KIAA0825: variants seen among roughly 807,000 people sequenced by gnomAD.
KIAA0825 encodes KIAA0825.
In KIAA0825, 119 loss-of-function variants were observed where a neutral mutation model predicts 147.6. The ratio of observed to expected loss-of-function variants is 0.81; its 90% CI spans 0.69 to 0.94. The LOEUF (loss-of-function observed/expected upper bound fraction) is 0.94. KIAA0825 is among the 40% of genes least tolerant of loss of function. The probability of loss-of-function intolerance (pLI) is 0.00; values close to 1 mark genes in which losing one functional copy is unlikely to be tolerated. For missense variants in KIAA0825, 1,381 were observed against 1,472.7 expected, an observed-to-expected ratio of 0.94 and a Z score of 1.02; for synonymous variants, 470 against 518.1, an observed-to-expected ratio of 0.91 and a Z score of 1.26.
intron 20 of KIAA0825, among the ~76,000 whole-genome samples, chr5:94,301,831 T>A (rs184495564): frequency 9.9e-5 from 15 of 152,168 alleles, no homozygotes; most frequent in Non-Finnish European, 4.4e-5. Flanking sequence ...TAATAGGTTT[T>A]CACAAAGAAA....
intron 8 of KIAA0825, 111 bp downstream of exon 8, chr5:94,473,178 AAGT>A (rs1442265965): frequency 3.9e-6 from 3 of 770,558 alleles, no homozygotes; most frequent in Non-Finnish European, 6.4e-6. Flanking sequence ...GTCAAGTACC[AAGT>A]ACTTGCCAAG....
chr5:94,208,363 G>T (rs1213585172), intron 20 of KIAA0825, among the ~76,000 whole-genome samples: 1 of 152,140 alleles, frequency 6.6e-6, no homozygotes, highest in Non-Finnish European at 1.5e-5. Context: ...TAAAGCTTAG[G>T]TTTGAATTAA....
chr5:94,276,918 T>C (rs1777249175), intron 20 of KIAA0825, among the ~76,000 whole-genome samples: 1 of 152,096 alleles, frequency 6.6e-6, no homozygotes, highest in African/African-American at 2.4e-5. Context: ...TTTTGGCCTC[T>C]CTCCGCCTCT....
intron 20 of KIAA0825, among the ~76,000 whole-genome samples, chr5:94,334,775 C>G (rs1781637732): frequency 6.6e-6 from 1 of 152,190 alleles, no homozygotes. Flanking sequence ...TGAGTCACCA[C>G]ACCCGGCCAC....
chr5:94,553,265 C>G (rs1775877812), intron 2 of KIAA0825, among the ~76,000 whole-genome samples: 1 of 151,568 alleles, frequency 6.6e-6, no homozygotes, highest in African/African-American at 2.4e-5. Flanking sequence ...ATGGTGAAAC[C>G]CTGTCTCTAC....
chr5:94,181,326 A>G (rs1769593319), intron 20 of KIAA0825, among the ~76,000 whole-genome samples: 1 of 152,198 alleles, frequency 6.6e-6, no homozygotes. Flanking sequence ...CCTCTACAAC[A>G]AGAATTACAA....
At chr5:94,607,934 A>T (rs185121847) in intron 1 of KIAA0825, among the ~76,000 whole-genome samples, 1 of 152,056 alleles carries the variant, frequency 6.6e-6, no homozygotes, top group Non-Finnish European at 1.5e-5. Flanking sequence ...CCACTGCATT[A>T]TTCAGATTTC....
At chr5:94,356,146 C>A (rs1784222848) in intron 20 of KIAA0825, among the ~76,000 whole-genome samples, 1 of 152,066 alleles carries the variant, frequency 6.6e-6, no homozygotes, top group Admixed American at 6.6e-5. Flanking sequence ...TTGATGAGCA[C>A]CAATGTACTT....
At position 94,395,039 on chromosome 5, in the gene KIAA0825, T is replaced by G. The variant is rs141955114; in HGVS notation, c.3296+1062A>C. ...TGAATGCAATATATTTTAATAGAGT[T>G]TATACATAATAATGCCTATCAGTTC... On this transcript the variant is annotated intron_variant, in intron 17 of 20. Coordinates refer to ENST00000682413, the MANE Select transcript of KIAA0825 (RefSeq NM_001145678.3). Among the ~76,000 whole-genome samples the G allele has an allele frequency of 1.4e-3, 208 of 152,340 alleles. 1 individual carries two copies. The highest frequency in any genetic ancestry group is 4.5e-3 in the African/African-American group (186 of 41,582).
chr5:94,461,861 T>C (rs1360556461), intron 12 of KIAA0825, among the ~76,000 whole-genome samples: 2 of 151,970 alleles, frequency 1.3e-5, no homozygotes, highest in African/African-American at 4.8e-5. Context: ...CTCTATAGCA[T>C]TACAGATTTG....
chr5:94,238,358 A>C (rs1775170887), intron 20 of KIAA0825, among the ~76,000 whole-genome samples: 1 of 152,196 alleles, frequency 6.6e-6, no homozygotes, highest in Non-Finnish European at 1.5e-5. Context: ...AAAATGATTC[A>C]GTTTATAGCC....
At chr5:94,376,318 G>A (rs1215661610) in intron 20 of KIAA0825, among the ~76,000 whole-genome samples, 2 of 152,106 alleles carry the variant, frequency 1.3e-5, no homozygotes, top group Non-Finnish European at 2.9e-5. Context: ...TCATCTTGGG[G>A]CTCTTTTGAG....
intron 1 of KIAA0825, among the ~76,000 whole-genome samples, chr5:94,586,145 C>T (rs898798191): frequency 6.6e-6 from 1 of 152,026 alleles, no homozygotes; most frequent in Admixed American, 6.6e-5. Flanking sequence ...GAAGCAAGAG[C>T]AAATAAATTC....
chr5:94,279,005 T>C (rs761092342), intron 20 of KIAA0825, among the ~76,000 whole-genome samples: 1 of 152,068 alleles, frequency 6.6e-6, no homozygotes, highest in Non-Finnish European at 1.5e-5. Flanking sequence ...CAAAATACAA[T>C]ATGAAATTCT....
At chr5:94,578,957 T>C (rs1781561158) in intron 2 of KIAA0825, among the ~76,000 whole-genome samples, 1 of 152,170 alleles carries the variant, frequency 6.6e-6, no homozygotes, top group Non-Finnish European at 1.5e-5. Flanking sequence ...TCAGACTCTG[T>C]CACCCAGGCT....
intron 10 of KIAA0825, among the ~76,000 whole-genome samples, chr5:94,468,737 A>G (rs1234561353): frequency 6.8e-6 from 1 of 147,400 alleles, no homozygotes; most frequent in Non-Finnish European, 1.5e-5. Flanking sequence ...ATCAAACCAC[A>G]GGAACCTTCA....
intron 2 of KIAA0825, among the ~76,000 whole-genome samples, chr5:94,579,541 C>T (rs1045654743): frequency 2.0e-5 from 3 of 152,144 alleles, no homozygotes; most frequent in African/African-American, 2.4e-5. Flanking sequence ...AGAACATCAC[C>T]GTACAATGAA....
chr5:94,494,555 C>T (rs954998692), intron 5 of KIAA0825, among the ~76,000 whole-genome samples: 1 of 152,096 alleles, frequency 6.6e-6, no homozygotes, highest in Non-Finnish European at 1.5e-5. Context: ...TATGCTGACA[C>T]TTTGAGGGAA....
At chr5:94,429,395 C>A (rs1285021013) in intron 14 of KIAA0825, among the ~76,000 whole-genome samples, 1 of 151,028 alleles carries the variant, frequency 6.6e-6, no homozygotes, top group African/African-American at 2.4e-5. Flanking sequence ...TTTTTTCTTT[C>A]CCTTTCCCTT....
Sources: allele counts gnomAD v4.1 joint callset (sites outside exome capture counted in the v4.1 genomes callset), GRCh38; gene constraint gnomAD v4.1.1; transcripts MANE v1.5; gene names NCBI Gene and HGNC (gene_info 2026-07-23, HGNC 2026-07-21).